CNDP1: variants seen among roughly 807,000 people sequenced by gnomAD.
CNDP1 encodes the protein carnosine dipeptidase 1, also known as beta-Ala-His dipeptidase.
CNDP1 carries 44 observed loss-of-function variants against 58.1 expected under a neutral mutation model. The observed-to-expected ratio is 0.76, with a 90% CI of 0.60 to 0.97. The LOEUF (loss-of-function observed/expected upper bound fraction) is 0.97, where lower values mean the gene tolerates loss of function less well. Ranked by LOEUF, CNDP1 falls within the 50% of genes least tolerant of loss-of-function variation. The pLI is 0.00. For synonymous variants in CNDP1, 254 were observed against 252.6 expected (o/e 1.01, Z -0.05); for missense variants, 616 against 655.1 (o/e 0.94, Z 0.65).
chr18:74,548,160 C>T (rs1980811015), intron 1 of CNDP1, among the ~76,000 whole-genome samples: 1 of 152,162 alleles, frequency 6.6e-6, no homozygotes, highest in South Asian at 2.1e-4. Context: ...TTTCGACATC[C>T]CTAGATTTTC....
intron 1 of CNDP1, among the ~76,000 whole-genome samples, chr18:74,541,228 C>T (rs773650804): frequency 1.5e-4 from 23 of 152,176 alleles, no homozygotes; most frequent in Non-Finnish European, 3.2e-4. Flanking sequence ...GGGAAGGAGA[C>T]GGCAGGTGTG....
At chr18:74,584,448 T>C in intron 11 of CNDP1, 48 bp from the exon 12 acceptor site, 1 of 1,326,144 alleles carries the variant, frequency 7.5e-7, no homozygotes, top group Middle Eastern at 1.8e-4. Context: ...CCTCCTTCAT[T>C]TGAATGGAAA....
intron 9 of CNDP1, among the ~76,000 whole-genome samples, chr18:74,579,181 C>CCTTCCCT (rs1568300897): frequency 1.7e-5 from 2 of 119,776 alleles, no homozygotes; most frequent in African/African-American, 5.9e-5. Flanking sequence ...CTTCTCCCTT[C>CCTTCCCT]TCCCTTTCCT....
intron 1 of CNDP1, among the ~76,000 whole-genome samples, chr18:74,552,119 A>C (rs1179439553): frequency 6.6e-6 from 1 of 152,180 alleles, no homozygotes; most frequent in Admixed American, 6.5e-5. Flanking sequence ...GTAGCCAGGG[A>C]GTTCATGAGT....
chr18:74,577,175 C>A, intron 8 of CNDP1, 146 bp downstream of exon 8: 1 of 705,838 alleles, frequency 1.4e-6, no homozygotes, highest in Non-Finnish European at 2.2e-6. Flanking sequence ...TTTTGACATT[C>A]ACAGCCACTT....
intron 8 of CNDP1, 145 bp from the exon 9 acceptor site, chr18:74,578,018 A>T: frequency 1.5e-6 from 1 of 663,592 alleles, no homozygotes. Context: ...CTGAGGAAAA[A>T]GTCCTTGCGT....
intron 10 of CNDP1, among the ~76,000 whole-genome samples, chr18:74,581,946 C>T (rs968127995): frequency 4.6e-5 from 7 of 152,350 alleles, no homozygotes; most frequent in African/African-American, 1.7e-4. Context: ...AAGCCCAGAT[C>T]TCTTTGAAGC....
In CNDP1 at chr18:74,583,646, G is replaced by C. The variant is rs755184072; in HGVS notation, c.1395G>C (p.Val465=). The change falls in exon 11 of 12, where the codon GTG becomes GTC. Residue 465 remains valine, a synonymous_variant. Coordinates refer to ENST00000358821, the MANE Select transcript of CNDP1 (RefSeq NM_032649.6). ...KMFQEIVHKS[V]VLIPLGAVDD... is the part of the protein sequence containing the mutation. ...TCCAGGAGATCGTCCACAAGAGCGTGGTGCTAATTCCGCTGGGAGCTGTTG... is the reference window on the plus strand; with the variant it reads ...TCCAGGAGATCGTCCACAAGAGCGTCGTGCTAATTCCGCTGGGAGCTGTTG... 6.2e-7 allele frequency: 1 copy of C among 1,614,118 alleles called. No homozygotes were observed. The highest frequency in any genetic ancestry group is 1.1e-5 in the South Asian group (1 of 91,086).
intron 1 of CNDP1, among the ~76,000 whole-genome samples, chr18:74,537,641 G>C (rs1011295271): frequency 6.6e-6 from 1 of 152,172 alleles, no homozygotes; most frequent in Non-Finnish European, 1.5e-5. Context: ...TGCAGAGGGG[G>C]CTCTGTGCTG....
In CNDP1 at chr18:74,536,061, G is replaced by C. The variant is rs189065528; in HGVS notation, c.24+1370G>C. ...AAAAAAGAAGGAAATATTTTGTTTT[G>C]GACTCAATATAATACCCTTTGATAT... On this transcript the variant is annotated intron_variant, in intron 1 of 11. Coordinates refer to ENST00000358821, the MANE Select transcript of CNDP1 (RefSeq NM_032649.6). Among the ~76,000 whole-genome samples, 147 of 152,186 alleles carry C rather than the reference G, an allele frequency of 9.7e-4. 1 individual carries two copies. The highest frequency in any genetic ancestry group is 3.2e-3 in the African/African-American group (132 of 41,508).
intron 7 of CNDP1, among the ~76,000 whole-genome samples, chr18:74,573,692 G>A (rs1351049180): frequency 6.6e-6 from 1 of 152,198 alleles, no homozygotes; most frequent in Non-Finnish European, 1.5e-5. Flanking sequence ...CCTATGAACT[G>A]CATCTGAAAT....
chr18:74,545,161 G>A lies in CNDP1; in HGVS notation c.24+10470G>A, dbSNP rs1423815861. ...AATAAAGTCCTGGTGTTTGGCCCCC[G>A]GTTTGGGATGCTTTGTTCCAGCAGC... On this transcript the variant is annotated intron_variant, in intron 1 of 11. Coordinates refer to ENST00000358821, the MANE Select transcript of CNDP1 (RefSeq NM_032649.6). The surrounding 1 kb of genome is among the most constrained non-coding windows in gnomAD (Gnocchi z 4.1). Among the ~76,000 whole-genome samples the A allele has an allele frequency of 2.0e-5, 3 of 152,184 alleles. No homozygotes were observed. Among genetic ancestry groups the A allele is most frequent in the Non-Finnish European group, 2.9e-5 (2 of 68,034 alleles).
intron 1 of CNDP1, among the ~76,000 whole-genome samples, chr18:74,548,375 A>G (rs1276903702): frequency 6.6e-6 from 1 of 152,086 alleles, no homozygotes; most frequent in Admixed American, 6.5e-5. Context: ...TCTTGCTCAC[A>G]TTCTTGCCAT....
At position 74,567,322 on chromosome 18, in the gene CNDP1, C is replaced by A. The variant is rs1004120545; in HGVS notation, c.645C>A (p.Asp215Glu). ...ALEELVEKEK[D>E]RFFSGVDYIV... is the part of the protein sequence containing the mutation. ...AGGAACTTGTGGAAAAAGAAAAGGA[C>A]CGATTCTTCTCTGGTGTGGACTACA... The change falls in exon 6 of 12, where the codon GAC (aspartate) becomes GAA (glutamate). Residue 215 changes from aspartate (D) to glutamate (E), a missense_variant. Physicochemically the swap from Asp to Glu is conservative, Grantham distance 45. Transcript: ENST00000358821. 4 of 1,613,946 alleles carry A rather than the reference C, an allele frequency of 2.5e-6. No individual in the cohort carries two copies. Among genetic ancestry groups the A allele is most frequent in the Middle Eastern group, 1.6e-4 (1 of 6,084 alleles).
At position 74,545,148 on chromosome 18, in the gene CNDP1, G is replaced by A. The variant is rs1168227879; in HGVS notation, c.24+10457G>A. Among the ~76,000 whole-genome samples the A allele has an allele frequency of 6.6e-6, 1 of 152,220 alleles. No individual in the cohort carries two copies. The highest frequency in any genetic ancestry group is 1.5e-5 in the Non-Finnish European group (1 of 68,042). ...AAAACTGTGGGAGAATAAAGTCCTG[G>A]TGTTTGGCCCCCGGTTTGGGATGCT... On this transcript the variant is annotated intron_variant, in intron 1 of 11. Coordinates refer to ENST00000358821, the MANE Select transcript of CNDP1 (RefSeq NM_032649.6). This position sits in a 1 kb window ranked among gnomAD's most constrained non-coding sequence, Gnocchi z 4.1.
intron 2 of CNDP1, among the ~76,000 whole-genome samples, chr18:74,556,841 G>T (rs1045078859): frequency 2.0e-5 from 3 of 152,218 alleles, no homozygotes; most frequent in Non-Finnish European, 2.9e-5. Context: ...GCTCTGCAAA[G>T]TTCAACAGCA....
At chr18:74,555,961 C>G (rs1035109655) in intron 1 of CNDP1, among the ~76,000 whole-genome samples, 18 of 152,058 alleles carry the variant, frequency 1.2e-4, no homozygotes, top group Admixed American at 4.6e-4. Flanking sequence ...AAGATTTTTG[C>G]GTGTTTGTTT....
Position 74,556,473 on chromosome 18 carries a change from G to A in CNDP1, c.153+7G>A. The A allele has an allele frequency of 6.2e-7, 1 of 1,614,078 alleles. No homozygotes were observed. Among genetic ancestry groups the A allele is most frequent in the South Asian group, 1.1e-5 (1 of 91,060 alleles). Reference sequence around the variant, plus strand: ...TCAGGATGAATTTGTGCAGGTAGGAGAAAGAAACTACACAACTACACACAG... The same window carrying A: ...TCAGGATGAATTTGTGCAGGTAGGAAAAAGAAACTACACAACTACACACAG... On this transcript the variant is annotated splice_region_variant and intron_variant, in intron 2 of 11. Transcript: ENST00000358821.
intron 5 of CNDP1, among the ~76,000 whole-genome samples, chr18:74,563,642 C>A (rs938074037): frequency 7.9e-5 from 12 of 152,134 alleles, no homozygotes; most frequent in Non-Finnish European, 1.8e-4. Flanking sequence ...GGGGATGGTG[C>A]GCGAGGTCCT....
Sources: gnomAD v4.1 joint callset for allele counts (sites outside exome capture counted in the v4.1 genomes callset) on GRCh38, gnomAD v4.1.1 for gene constraint, Gnocchi (gnomAD v3.1) non-coding constraint, MANE v1.5 for transcripts, NCBI Gene and HGNC (gene_info 2026-07-23, HGNC 2026-07-21) for gene names.